Variants in PCDHA4 observed in about 807,000 individuals in gnomAD.
PCDHA4 encodes the protein protocadherin alpha-4.
Under a neutral mutation model 61.4 loss-of-function variants are expected in PCDHA4, and 49 were observed. That is an observed-to-expected ratio of 0.80 (90% CI 0.63 to 1.01). The LOEUF (loss-of-function observed/expected upper bound fraction) is 1.01. PCDHA4 is among the 50% of genes least tolerant of loss of function. The pLI is 0.00. For missense variants in PCDHA4, 1,254 were observed against 1,235.8 expected (o/e 1.01, Z -0.22); for synonymous variants, 590 against 550.3 (o/e 1.07, Z -1.01).
intron 1 of PCDHA4, among the ~76,000 whole-genome samples, chr5:140,826,763 G>C (rs1554130659): frequency 6.6e-6 from 1 of 152,136 alleles, no homozygotes; most frequent in Non-Finnish European, 1.5e-5. Context: ...ATTCATATTG[G>C]AGAGTAATTG....
At chr5:140,857,796 CG>C in intron 1 of PCDHA4, 1 of 1,597,494 alleles carries the variant, frequency 6.3e-7, no homozygotes, top group Non-Finnish European at 8.6e-7. Flanking sequence ...GTGCTGCGGT[CG>C]GTGGTTGCGG....
intron 1 of PCDHA4, among the ~76,000 whole-genome samples, chr5:140,893,945 A>T (rs1293077869): frequency 6.6e-6 from 1 of 152,180 alleles, no homozygotes; most frequent in Non-Finnish European, 1.5e-5. Flanking sequence ...TTAATTCTGC[A>T]TGACTTTATT....
rs781810593 is a variant in PCDHA4, at chr5:140,808,339, G to A, written c.1152G>A (p.Leu384=). The change falls in exon 1 of 4, where the codon CTG becomes CTA. Residue 384 remains leucine (L), a synonymous_variant. Transcript: ENST00000530339. ...VSDKDMGVNG[L]VTCSLTSHVP... is the part of the protein sequence containing the mutation. ...ACAAAGACATGGGTGTCAATGGGCT[G>A]GTCACCTGCTCCTTGACGTCCCACG... 15 of 1,614,246 alleles carry A rather than the reference G, an allele frequency of 9.3e-6. No individual in the cohort carries two copies. Among genetic ancestry groups the A allele is most frequent in the Non-Finnish European group, 1.2e-5 (14 of 1,180,048 alleles).
chr5:140,821,208 T>C (rs2150108977), intron 1 of PCDHA4, among the ~76,000 whole-genome samples: 7 of 152,160 alleles, frequency 4.6e-5, no homozygotes, highest in Non-Finnish European at 8.8e-5. Flanking sequence ...AAGTTTTAAT[T>C]AGATATGTTT....
intron 1 of PCDHA4, among the ~76,000 whole-genome samples, chr5:140,897,960 T>C (rs2066423336): frequency 6.6e-6 from 1 of 152,276 alleles, no homozygotes; most frequent in South Asian, 2.1e-4. Flanking sequence ...CATTTTTTCA[T>C]GTGTCTTTTG....
intron 1 of PCDHA4, among the ~76,000 whole-genome samples, chr5:140,832,042 A>G (rs2150199272): frequency 1.8e-4 from 28 of 152,338 alleles, no homozygotes; most frequent in Admixed American, 3.3e-4. Flanking sequence ...ATTCATAGTG[A>G]GGCCATAATT....
At chr5:140,927,343 G>T (rs2084109180) in intron 1 of PCDHA4, 2 of 1,614,016 alleles carry the variant, frequency 1.2e-6, no homozygotes, top group East Asian at 4.5e-5. Flanking sequence ...TGCCCAAGAT[G>T]ACGACGAGGG....
chr5:140,908,416 G>GGAAT (rs1303787034), intron 1 of PCDHA4, among the ~76,000 whole-genome samples: 1 of 152,152 alleles, frequency 6.6e-6, no homozygotes, highest in African/African-American at 2.4e-5. Flanking sequence ...ATTTGATGAT[G>GGAAT]GAATGCTGCT....
rs111298048 is a variant in PCDHA4 at position 140,841,325 on chromosome 5, G to A, written c.2385+31753G>A. ...TGATAGGAAACGACTATTTAACATG[G>A]ATTATCACTGGCGAGGAGAGCTGGG... On this transcript the variant is annotated intron_variant, in intron 1 of 3. Coordinates refer to ENST00000530339, the MANE Select transcript of PCDHA4 (RefSeq NM_018907.4). 9,405 of 1,608,142 alleles carry A rather than the reference G, an allele frequency of 5.8e-3. 135 individuals are homozygous for A. Among genetic ancestry groups the A allele is most frequent in the Non-Finnish European group, 7.0e-3 (8,183 of 1,176,604 alleles).
At chr5:140,898,970 C>T (rs2067071539) in intron 1 of PCDHA4, among the ~76,000 whole-genome samples, 2 of 152,006 alleles carry the variant, frequency 1.3e-5, no homozygotes, top group South Asian at 4.2e-4. Context: ...TGGGAGTTCA[C>T]TCATGATTTG....
chr5:140,841,831 C>A, intron 1 of PCDHA4: 1 of 1,613,930 alleles, frequency 6.2e-7, no homozygotes, highest in Non-Finnish European at 8.5e-7. Context: ...TGTTAACCTA[C>A]AGGCTTAGCT....
At chr5:140,996,597 C>G (rs183031992) in intron 3 of PCDHA4, among the ~76,000 whole-genome samples, 47 of 152,304 alleles carry the variant, frequency 3.1e-4, no homozygotes, top group African/African-American at 1.1e-3. Context: ...CGCCTCCCCC[C>G]ATTTTCATTT....
chr5:140,883,391 T>C (rs1301270294), intron 1 of PCDHA4: 8 of 1,614,052 alleles, frequency 5.0e-6, no homozygotes, highest in Non-Finnish European at 6.8e-6. Flanking sequence ...AATCAGTGTG[T>C]CCGATCGTGA....
intron 1 of PCDHA4, chr5:140,968,302 G>C (rs2096236958): frequency 6.2e-7 from 1 of 1,613,812 alleles, no homozygotes; most frequent in African/African-American, 1.3e-5. Context: ...TGGAGAGGGA[G>C]ATTCAAGGGC....
At chr5:140,914,564 A>AT (rs532022159) in intron 1 of PCDHA4, among the ~76,000 whole-genome samples, 1 of 152,026 alleles carries the variant, frequency 6.6e-6, no homozygotes, top group Non-Finnish European at 1.5e-5. Context: ...AGTTTAGTCC[A>AT]TTTACATTCA....
intron 1 of PCDHA4, among the ~76,000 whole-genome samples, chr5:140,898,149 C>T (rs552851488): frequency 4.6e-4 from 70 of 152,244 alleles, no homozygotes; most frequent in African/African-American, 1.6e-3. Flanking sequence ...TGCCTGTTCA[C>T]GCTGATGGTG....
intron 1 of PCDHA4, chr5:140,821,835 T>C (rs11958868): frequency 0.54 from 871,475 of 1,613,990 alleles, 237,398 homozygotes; most frequent in African/African-American, 0.73. Context: ...GGCTTCTCCT[T>C]GCCTACTGGA....
intron 3 of PCDHA4, among the ~76,000 whole-genome samples, chr5:141,003,377 T>C (rs2098121331): frequency 6.6e-6 from 1 of 152,180 alleles, no homozygotes; most frequent in African/African-American, 2.4e-5. Context: ...AGTGGTGCAA[T>C]CTCAGCTCAC....
chr5:140,849,956 C>G (rs2150460065), intron 1 of PCDHA4: 1 of 1,597,918 alleles, frequency 6.3e-7, no homozygotes, highest in South Asian at 1.1e-5. Context: ...CGCAGGAGAA[C>G]GCCCTGGTGT....
Sources: allele counts gnomAD v4.1 joint callset (sites outside exome capture counted in the v4.1 genomes callset), GRCh38; gene constraint gnomAD v4.1.1; transcripts MANE v1.5; gene names NCBI Gene and HGNC (gene_info 2026-07-23, HGNC 2026-07-21).